Variants in WSCD2 observed in about 807,000 individuals in gnomAD.
The protein encoded by WSCD2 is WSC domain sialate O sulfotransferase 2, also known as sialate:O-sulfotransferase 2.
In WSCD2, 28 loss-of-function variants were observed where a neutral mutation model predicts 55.7. That is an observed-to-expected ratio of 0.50 (90% confidence interval 0.37 to 0.69). The LOEUF (loss-of-function observed/expected upper bound fraction) is 0.69, where lower values mean the gene tolerates loss of function less well. Among genes scored for constraint, WSCD2 ranks in the 30% least tolerant of loss-of-function variants. The pLI is 0.00. For synonymous variants in WSCD2, 301 were observed against 301.9 expected, an observed-to-expected ratio of 1.00 and a Z score of 0.03; for missense variants, 616 against 762.1, an observed-to-expected ratio of 0.81 and a Z score of 2.26.
Position 108,215,360 on chromosome 12 carries a change from C to T in WSCD2, c.682+5055C>T, listed in dbSNP as rs910220761. Among the ~76,000 whole-genome samples, 143 of 152,296 alleles carry T rather than the reference C, an allele frequency of 9.4e-4. 1 individual carries two copies. Among genetic ancestry groups the T allele is most frequent in the African/African-American group, 3.3e-3 (138 of 41,544 alleles). The stretch of plus-strand genomic sequence containing the variant: ...CGTTCTTTCTAGGCGTCTGGTGCTT[C>T]GTCTATAAAATGAAGACAATCCCAA... On this transcript the variant is annotated intron_variant, in intron 4 of 8. Coordinates refer to ENST00000547525, the MANE Select transcript of WSCD2 (RefSeq NM_014653.4).
intron 8 of WSCD2, among the ~76,000 whole-genome samples, chr12:108,243,605 G>A (rs1279234598): frequency 1.3e-5 from 2 of 152,150 alleles, no homozygotes; most frequent in African/African-American, 4.8e-5. Flanking sequence ...ATTGCTATAA[G>A]TCCCTGCTAC....
At chr12:108,215,873 G>T (rs1886774566) in intron 4 of WSCD2, among the ~76,000 whole-genome samples, 1 of 152,140 alleles carries the variant, frequency 6.6e-6, no homozygotes, top group African/African-American at 2.4e-5. Flanking sequence ...TTCTTCATCT[G>T]CCCCCAGCAA....
At position 108,195,803 on chromosome 12, in the gene WSCD2, C is replaced by T. The variant is rs779065494; in HGVS notation, c.-30C>T. ...CCTCTCCCAAGCACCCCAGCCAAGC[C>T]CCAGAGAGCCAGTCCGGAATGATCC... On this transcript the variant is annotated 5_prime_UTR_variant, in exon 2 of 9. Transcript: ENST00000547525. The T allele has an allele frequency of 9.6e-6, 15 of 1,569,606 alleles. No individual in the cohort carries two copies. The Admixed American group carries it at 1.9e-4, about 20-fold the overall frequency.
intron 4 of WSCD2, among the ~76,000 whole-genome samples, chr12:108,219,174 C>A (rs1331191177): frequency 2.0e-5 from 3 of 152,168 alleles, no homozygotes; most frequent in Non-Finnish European, 4.4e-5. Flanking sequence ...CGTGCATAAA[C>A]ACCTTATGGT....
At chr12:108,184,164 T>C (rs1036694919) in intron 1 of WSCD2, among the ~76,000 whole-genome samples, 24 of 152,130 alleles carry the variant, frequency 1.6e-4, no homozygotes, top group African/African-American at 5.6e-4. Flanking sequence ...CCTCCTGCTT[T>C]GATGGCTGTG....
intron 8 of WSCD2, among the ~76,000 whole-genome samples, chr12:108,245,065 T>G (rs1452328547): frequency 6.6e-6 from 1 of 152,200 alleles, no homozygotes; most frequent in Non-Finnish European, 1.5e-5. Context: ...TGTTTTTATG[T>G]AACAATTTCT....
intron 1 of WSCD2, among the ~76,000 whole-genome samples, chr12:108,166,716 C>CCTTCTTTCTCTTTCTTTCTTTCCT (rs1879634269): frequency 6.7e-6 from 1 of 150,124 alleles, no homozygotes; most frequent in African/African-American, 2.5e-5. Context: ...CTTTCTTTCC[C>CCTTCTTTCTCTTTCTTTCTTTCCT]TCCTTCTTTC....
chr12:108,143,882 C>T (rs561917234), intron 1 of WSCD2, among the ~76,000 whole-genome samples: 29 of 152,216 alleles, frequency 1.9e-4, no homozygotes, highest in South Asian at 4.2e-4. Flanking sequence ...TGCAGGGGGG[C>T]GGTCACAAAT....
chr12:108,136,495 A>G (rs1012934667), intron 1 of WSCD2, among the ~76,000 whole-genome samples: 15 of 152,050 alleles, frequency 9.9e-5, no homozygotes, highest in Admixed American at 7.2e-4. Flanking sequence ...TGACCTGGGG[A>G]CCTTCCTGAT....
At chr12:108,177,385 C>T (rs1159235032) in intron 1 of WSCD2, among the ~76,000 whole-genome samples, 1 of 152,110 alleles carries the variant, frequency 6.6e-6, no homozygotes, top group East Asian at 1.9e-4. Flanking sequence ...TGGGCACTTG[C>T]TGTGTATTTA....
At position 108,249,604 on chromosome 12, in the gene WSCD2, A is replaced by T. The variant is rs1304271361; in HGVS notation, c.*1261A>T. The T allele has an allele frequency of 6.6e-6, 1 of 152,632 alleles. No homozygotes were observed. The highest frequency in any genetic ancestry group is 1.5e-5 in the Non-Finnish European group (1 of 68,036). The allele number at this position is 152,632 out of a possible 1,614,324, so 9.5% of individuals were successfully genotyped here. ...CACCATCCATCATTATGTAGATGAA[A>T]AAGCCATAGGTCATAGCCTCTTTGC... On this transcript the variant is annotated 3_prime_UTR_variant, in exon 9 of 9. Transcript: ENST00000547525.
intron 1 of WSCD2, among the ~76,000 whole-genome samples, chr12:108,192,691 C>T (rs1883335305): frequency 6.6e-6 from 1 of 152,186 alleles, no homozygotes; most frequent in African/African-American, 2.4e-5. Context: ...GTGATGCACC[C>T]TCATGTGGGC....
intron 1 of WSCD2, among the ~76,000 whole-genome samples, chr12:108,159,726 G>T (rs1394232648): frequency 6.6e-6 from 1 of 152,226 alleles, no homozygotes; most frequent in Non-Finnish European, 1.5e-5. Flanking sequence ...CTGCCCAGGG[G>T]AGGAATCTGT....
intron 2 of WSCD2, among the ~76,000 whole-genome samples, chr12:108,198,354 T>C (rs1406148648): frequency 6.6e-6 from 1 of 152,230 alleles, no homozygotes; most frequent in African/African-American, 2.4e-5. Context: ...TCGTTAGCTC[T>C]ACTCTTCCTC....
At chr12:108,226,845 T>G in intron 5 of WSCD2, 145 bp from the exon 6 acceptor site, 1 of 916,760 alleles carries the variant, frequency 1.1e-6, no homozygotes, top group Non-Finnish European at 1.6e-6. Context: ...GCAGGGTTTG[T>G]GGATGGAATT....
At chr12:108,163,849 T>G (rs1879321967) in intron 1 of WSCD2, among the ~76,000 whole-genome samples, 1 of 151,306 alleles carries the variant, frequency 6.6e-6, no homozygotes, top group Non-Finnish European at 1.5e-5. Context: ...TAGAATGAAC[T>G]TATGTTTTTT....
intron 1 of WSCD2, among the ~76,000 whole-genome samples, chr12:108,142,776 TTCCTTCCTTTC>T (rs573078028): frequency 3.7e-4 from 56 of 152,260 alleles, no homozygotes; most frequent in Non-Finnish European, 6.9e-4. Context: ...CCTCTCTCTT[TTCCTTCCTTTC>T]TCCTTCCTTC....
intron 1 of WSCD2, among the ~76,000 whole-genome samples, chr12:108,148,144 G>GATGCATTGTAGGATGTTGAGCAGCAT (rs1158064224): frequency 4.6e-5 from 7 of 152,186 alleles, no homozygotes; most frequent in Non-Finnish European, 8.8e-5. Context: ...GTGGCGTGGG[G>GATGCATTGTAGGATGTTGAGCAGCAT]CCGACCTGTG....
chr12:108,204,688 A>G (rs1885114029), intron 2 of WSCD2, among the ~76,000 whole-genome samples: 1 of 152,236 alleles, frequency 6.6e-6, no homozygotes, highest in Non-Finnish European at 1.5e-5. Flanking sequence ...TTAAAGATGG[A>G]CTGTTCTTAG....
Sources: gnomAD v4.1 joint callset for allele counts (sites outside exome capture counted in the v4.1 genomes callset) on GRCh38, gnomAD v4.1.1 for gene constraint, MANE v1.5 for transcripts, NCBI Gene and HGNC (gene_info 2026-07-23, HGNC 2026-07-21) for gene names.